Variants in ANKRD28 observed in about 807,000 individuals in gnomAD.
ANKRD28 encodes the protein serine/threonine-protein phosphatase 6 regulatory ankyrin repeat subunit A.
A neutral mutation model predicts 126.5 loss-of-function variants in ANKRD28; 44 were observed. That is an observed-to-expected ratio of 0.35 (90% CI 0.27 to 0.45). The LOEUF (loss-of-function observed/expected upper bound fraction) is 0.45, where lower values mean the gene tolerates loss of function less well. ANKRD28 is among the 20% of genes least tolerant of loss of function. The pLI is 1.00. For synonymous variants in ANKRD28, 442 were observed against 468.5 expected (o/e 0.94, Z 0.73); for missense variants, 1,110 against 1,316.6 (o/e 0.84, Z 2.43).
At chr3:15,852,411 A>G (rs1163484639) in intron 1 of ANKRD28, among the ~76,000 whole-genome samples, 1 of 152,236 alleles carries the variant, frequency 6.6e-6, no homozygotes, top group Non-Finnish European at 1.5e-5. Flanking sequence ...TTGCCTTTTT[A>G]AAGTATTTTA....
At chr3:15,806,119 A>C (rs1419859556) in intron 1 of ANKRD28, among the ~76,000 whole-genome samples, 1 of 152,216 alleles carries the variant, frequency 6.6e-6, no homozygotes, top group Non-Finnish European at 1.5e-5. Flanking sequence ...TGAAAGAAGG[A>C]AGGTATGTTT....
At position 15,797,851 on chromosome 3, in the gene ANKRD28, A is replaced by G. The variant is rs983084996; in HGVS notation, c.-1330T>C. 95 of 985,318 alleles carry G rather than the reference A, an allele frequency of 9.6e-5. No individual in the cohort carries two copies. Among genetic ancestry groups the G allele is most frequent in the South Asian group, 3.8e-4 (8 of 21,296 alleles). The allele number at this position is 985,318 out of a possible 1,614,324, so 61.0% of individuals were successfully genotyped here. A position where few individuals can be genotyped will look rare whatever the true frequency, so the allele number is the denominator to read the frequency against. On this transcript the variant is annotated 5_prime_UTR_variant, in exon 1 of 28. Coordinates refer to ENST00000683139, the MANE Select transcript of ANKRD28 (RefSeq NM_001349278.2). ...CCCCAAATGAGTAGGTCCTTAAAAA[A>G]TATCTATAGAACCTCAGTATCAGTC...
chr3:15,828,298 T>A (rs781616842), intron 1 of ANKRD28, among the ~76,000 whole-genome samples: 1 of 152,064 alleles, frequency 6.6e-6, no homozygotes. Context: ...CTTCTGAAAG[T>A]CTCAGAGAAA....
chr3:15,845,042 C>A lies in ANKRD28; in HGVS notation c.27+14335G>T, dbSNP rs982795473. ...GGAGCAAAATGGGGACACGGGGGTG[C>A]TAGGCACTTTTAAACAACCAGATCT... On this transcript the variant is annotated intron_variant, in intron 1 of 27. Coordinates refer to the ANKRD28 transcript ENST00000399451. The surrounding 1 kb of genome is among the most constrained non-coding windows in gnomAD (Gnocchi z 4.9). Among the ~76,000 whole-genome samples the A allele has an allele frequency of 2.6e-5, 4 of 152,012 alleles. No homozygotes were observed. Among genetic ancestry groups the A allele is most frequent in the Non-Finnish European group, 1.5e-5 (1 of 68,004 alleles).
chr3:15,714,544 A>AAC (rs2072763010), intron 9 of ANKRD28, 34 bp downstream of exon 9: 4 of 1,496,708 alleles, frequency 2.7e-6, no homozygotes, highest in Non-Finnish European at 3.6e-6. Flanking sequence ...AAAAAAAAAA[A>AAC]AAACCCCAAA....
At chr3:15,773,568 T>C (rs1286448080) in intron 2 of ANKRD28, among the ~76,000 whole-genome samples, 1 of 151,938 alleles carries the variant, frequency 6.6e-6, no homozygotes, top group Non-Finnish European at 1.5e-5. Context: ...GAGGTTGCAG[T>C]GAGCCAAGAC....
chr3:15,859,305 C>T (rs944545991), intron 1 of ANKRD28: 2 of 1,507,298 alleles, frequency 1.3e-6, no homozygotes, highest in Admixed American at 2.1e-5. Context: ...TCCCAGCGGC[C>T]CACACCGCCG....
In ANKRD28 at chr3:15,812,044, T is replaced by C. The variant is rs1485869772; in HGVS notation, c.28-16738A>G. On this transcript the variant is annotated intron_variant, in intron 1 of 27. Transcript: ENST00000399451. This position sits in a 1 kb window ranked among gnomAD's most constrained non-coding sequence, Gnocchi z 4.1. ...GGTACGCACCTGTAGTCCCAGCTAC[T>C]CAGGAGGCTGAGGTCGGAGAATCGC... Among the ~76,000 whole-genome samples the C allele has an allele frequency of 6.6e-6, 1 of 151,926 alleles. No homozygotes were observed. The highest frequency in any genetic ancestry group is 1.5e-5 in the Non-Finnish European group (1 of 67,978).
At position 15,815,339 on chromosome 3, in the gene ANKRD28, C is replaced by T. The variant is rs558055896; in HGVS notation, c.28-20033G>A. On this transcript the variant is annotated intron_variant, in intron 1 of 27. Transcript: ENST00000399451. This position sits in a 1 kb window ranked among gnomAD's most constrained non-coding sequence, Gnocchi z 4.1. Reference sequence around the variant, plus strand: ...GTTTTTCTTTTATGACAAAATTTTGCCCTGTCACCCAGGTTGGAGTACAGT... The same window carrying T: ...GTTTTTCTTTTATGACAAAATTTTGTCCTGTCACCCAGGTTGGAGTACAGT... Among the ~76,000 whole-genome samples the T allele has an allele frequency of 1.3e-5, 2 of 152,270 alleles. No homozygotes were observed. The highest frequency in any genetic ancestry group is 1.9e-4 in the East Asian group (1 of 5,180).
chr3:15,712,543 T>C (rs2072451543), intron 10 of ANKRD28, among the ~76,000 whole-genome samples: 1 of 152,196 alleles, frequency 6.6e-6, no homozygotes, highest in Admixed American at 6.5e-5. Flanking sequence ...GTCATTAACA[T>C]TAACACCTTC....
chr3:15,716,319 T>C (rs1575349513), intron 8 of ANKRD28, among the ~76,000 whole-genome samples: 1 of 134,372 alleles, frequency 7.4e-6, no homozygotes, highest in African/African-American at 2.9e-5. Flanking sequence ...GAGATGGGGG[T>C]CTTGGTCTGT....
chr3:15,813,409 CA>C (rs1210455971), intron 1 of ANKRD28, among the ~76,000 whole-genome samples: 1 of 151,952 alleles, frequency 6.6e-6, no homozygotes, highest in East Asian at 1.9e-4. Context: ...TTAATGAAAC[CA>C]AAAACAAATT....
Position 15,773,555 on chromosome 3 carries a change from A to G in ANKRD28, c.202-7243T>C, listed in dbSNP as rs543073665. Among the ~76,000 whole-genome samples the G allele has an allele frequency of 3.3e-5, 5 of 152,224 alleles. No individual in the cohort carries two copies. The East Asian group carries it at 7.7e-4, about 24-fold the overall frequency. On this transcript the variant is annotated intron_variant, in intron 2 of 27. Transcript: ENST00000683139. The stretch of plus-strand genomic sequence containing the variant: ...CAGGAGAATTGCTTGAACCCAGGAC[A>G]TGGAGGTTGCAGTGAGCCAAGACTG...
In ANKRD28 at chr3:15,838,714, C is replaced by T. The variant is rs1214692197; in HGVS notation, c.27+20663G>A. On this transcript the variant is annotated intron_variant, in intron 1 of 27. Coordinates refer to the ANKRD28 transcript ENST00000399451. The surrounding 1 kb of genome is among the most constrained non-coding windows in gnomAD (Gnocchi z 4.0). ...AGTGAGCCGGGACCACGCCACTGCA[C>T]TCCAGCCTGGGCAACAAGAACGAAA... is the stretch of plus-strand genomic sequence containing the variant. 6.6e-6 allele frequency among the ~76,000 whole-genome samples: 1 copy of T among 151,046 alleles called. No homozygotes were observed. The highest frequency in any genetic ancestry group is 6.6e-5 in the Admixed American group (1 of 15,134).
upstream of ANKRD28, among the ~76,000 whole-genome samples, chr3:15,801,510 A>G (rs1294900738): frequency 6.6e-6 from 1 of 152,184 alleles, no homozygotes; most frequent in East Asian, 1.9e-4. The surrounding 1 kb of genome is among the most constrained non-coding windows in gnomAD (Gnocchi z 4.9). Context: ...TTGTGGTGAA[A>G]GATGGTAAGG....
chr3:15,714,095 A>G (rs1235194328), intron 9 of ANKRD28, among the ~76,000 whole-genome samples: 1 of 152,210 alleles, frequency 6.6e-6, no homozygotes, highest in Non-Finnish European at 1.5e-5. Flanking sequence ...TGCCTTGGAA[A>G]ACACTGATTT....
At chr3:15,729,997 G>T (rs965979738) in intron 6 of ANKRD28, among the ~76,000 whole-genome samples, 2 of 152,082 alleles carry the variant, frequency 1.3e-5, no homozygotes, top group African/African-American at 4.8e-5. Flanking sequence ...CAAGTGAGGT[G>T]TGTGCCACCA....
intron 1 of ANKRD28, among the ~76,000 whole-genome samples, chr3:15,857,573 C>A (rs2061801377): frequency 6.6e-6 from 1 of 152,230 alleles, no homozygotes; most frequent in Non-Finnish European, 1.5e-5. Context: ...GCGTGAGCCA[C>A]CGCGCCTGGC....
At chr3:15,714,494 A>C (rs1412435453) in intron 9 of ANKRD28, 84 bp downstream of exon 9, 1 of 969,428 alleles carries the variant, frequency 1.0e-6, no homozygotes, top group Non-Finnish European at 1.5e-6. Flanking sequence ...ACAATTCCTC[A>C]ATACCATTCA....
Sources: gnomAD v4.1 joint callset for allele counts (sites outside exome capture counted in the v4.1 genomes callset) on GRCh38, gnomAD v4.1.1 for gene constraint, Gnocchi (gnomAD v3.1) non-coding constraint, MANE v1.5 for transcripts, NCBI Gene and HGNC (gene_info 2026-07-23, HGNC 2026-07-21) for gene names.